Variants in SBF2 observed in about 807,000 individuals in gnomAD.
The protein encoded by SBF2 is SET binding factor 2.
A neutral mutation model predicts 225.2 loss-of-function variants in SBF2; 112 were observed. That is an observed-to-expected ratio of 0.50 (90% CI 0.43 to 0.58). The LOEUF is 0.58. Ranked by LOEUF, SBF2 falls within the 20% of genes least tolerant of loss-of-function variation. SBF2 has a pLI of 0.00. For synonymous variants in SBF2, 763 were observed against 773.3 expected, an observed-to-expected ratio of 0.99 and a Z score of 0.22; for missense variants, 1,996 against 2,206.2, an observed-to-expected ratio of 0.90 and a Z score of 1.91.
intron 17 of SBF2, among the ~76,000 whole-genome samples, chr11:9,858,723 A>G (rs1259166545): frequency 6.6e-6 from 1 of 152,226 alleles, no homozygotes. Context: ...TAGGGCATAT[A>G]ATAAAATCCA....
chr11:10,252,399 G>A (rs752113788), intron 1 of SBF2, among the ~76,000 whole-genome samples: 98 of 152,326 alleles, frequency 6.4e-4, no homozygotes, highest in Non-Finnish European at 9.6e-4. Context: ...AGACAAGACT[G>A]AAAACCTAAC....
chr11:10,288,148 A>G (rs1174272864), intron 1 of SBF2, among the ~76,000 whole-genome samples: 2 of 152,186 alleles, frequency 1.3e-5, no homozygotes, highest in Non-Finnish European at 2.9e-5. Flanking sequence ...GGCTCCCAGA[A>G]GGGCCACAGC....
chr11:9,967,826 A>C (rs766193920), intron 14 of SBF2, among the ~76,000 whole-genome samples: 31 of 151,960 alleles, frequency 2.0e-4, no homozygotes, highest in Non-Finnish European at 4.0e-4. Context: ...GAGGCAAGAG[A>C]ATTGCTTGAA....
chr11:10,086,719 G>A (rs1590926321), intron 2 of SBF2, among the ~76,000 whole-genome samples: 1 of 152,188 alleles, frequency 6.6e-6, no homozygotes, highest in South Asian at 2.1e-4. Context: ...AGATAACAGA[G>A]TGAAATTCAA....
intron 16 of SBF2, among the ~76,000 whole-genome samples, chr11:9,934,621 C>G (rs1477885572): frequency 1.3e-5 from 2 of 152,220 alleles, no homozygotes; most frequent in African/African-American, 4.8e-5. Flanking sequence ...ATCAAGTCGG[C>G]TTCATCCCTG....
chr11:10,007,291 A>G (rs1243216946), intron 6 of SBF2, among the ~76,000 whole-genome samples: 1 of 152,120 alleles, frequency 6.6e-6, no homozygotes, highest in Non-Finnish European at 1.5e-5. Flanking sequence ...TTCTCTCTTC[A>G]CAGATGGGTA....
At chr11:10,079,203 G>A (rs984752616) in intron 2 of SBF2, among the ~76,000 whole-genome samples, 17 of 152,090 alleles carry the variant, frequency 1.1e-4, no homozygotes, top group African/African-American at 3.1e-4. Context: ...ATTCTATAGC[G>A]ATGGAGCCTA....
intron 2 of SBF2, among the ~76,000 whole-genome samples, chr11:10,145,153 T>C (rs555147921): frequency 2.6e-5 from 4 of 152,178 alleles, no homozygotes; most frequent in Non-Finnish European, 5.9e-5. Context: ...CTGAAGATGA[T>C]GCAACAGTTT....
intron 2 of SBF2, among the ~76,000 whole-genome samples, chr11:10,076,075 C>T (rs1346079629): frequency 6.6e-6 from 1 of 152,182 alleles, no homozygotes; most frequent in African/African-American, 2.4e-5. Context: ...ATACAGTGGG[C>T]ATTAGGCTAC....
chr11:10,031,336 AAAAGT>A (rs1305735024), intron 3 of SBF2, among the ~76,000 whole-genome samples, 166 bp from the exon 4 acceptor site: 2 of 152,220 alleles, frequency 1.3e-5, no homozygotes, highest in East Asian at 3.8e-4. Flanking sequence ...AGAGCATTCT[AAAAGT>A]AAAGTAGACA....
intron 1 of SBF2, among the ~76,000 whole-genome samples, chr11:10,239,505 C>A (rs1299403571): frequency 6.6e-6 from 1 of 150,604 alleles, no homozygotes; most frequent in South Asian, 2.2e-4. Flanking sequence ...TAATACTCTA[C>A]TAGTAAGTGA....
intron 22 of SBF2, among the ~76,000 whole-genome samples, chr11:9,847,614 C>T (rs920199138): frequency 1.3e-5 from 2 of 151,538 alleles, no homozygotes; most frequent in African/African-American, 2.4e-5. Context: ...AAGTTTGTTT[C>T]GAAATATGTA....
At chr11:9,939,130 C>T (rs138446765) in intron 16 of SBF2, among the ~76,000 whole-genome samples, 383 of 152,210 alleles carry the variant, frequency 2.5e-3, no homozygotes, top group Admixed American at 4.3e-3. Flanking sequence ...CAGAGTCTCA[C>T]TGTCGCCTAG....
Position 10,008,541 on chromosome 11 carries a change from T to G in SBF2, c.620-5852A>C, listed in dbSNP as rs540290550. 9.2e-5 allele frequency among the ~76,000 whole-genome samples: 14 copies of G among 152,322 alleles called. No individual in the cohort carries two copies. The South Asian group carries it at 2.7e-3, about 29-fold the overall frequency. On this transcript the variant is annotated intron_variant, in intron 6 of 39. Transcript: ENST00000256190. ...TGGCAGCTCCAACTATTGGCTGTCT[T>G]ACAAGTCCACCAGCTCCCTCCAATT...
At chr11:9,863,350 C>T (rs1016663833) in intron 17 of SBF2, among the ~76,000 whole-genome samples, 6 of 152,316 alleles carry the variant, frequency 3.9e-5, no homozygotes, top group African/African-American at 1.2e-4. Flanking sequence ...TCAAGGCTCT[C>T]GTTTGGGAGC....
intron 2 of SBF2, among the ~76,000 whole-genome samples, chr11:10,080,775 T>A (rs1244765454): frequency 6.6e-6 from 1 of 151,832 alleles, no homozygotes; most frequent in Non-Finnish European, 1.5e-5. Flanking sequence ...AAAAACATAT[T>A]CCATGCAAAC....
At chr11:9,789,075 G>GGTGCCCCTA in intron 35 of SBF2, 34 bp downstream of exon 35, 1 of 1,584,974 alleles carries the variant, frequency 6.3e-7, no homozygotes, top group Non-Finnish European at 8.7e-7. Flanking sequence ...CAGGGCCCCT[G>GGTGCCCCTA]GTGCCCCTAG....
chr11:10,030,457 C>A (rs1590796185), intron 4 of SBF2, among the ~76,000 whole-genome samples: 2 of 152,130 alleles, frequency 1.3e-5, no homozygotes, highest in East Asian at 3.8e-4. Flanking sequence ...TCATTGAAAT[C>A]TTGACACTAA....
At chr11:10,071,884 T>C (rs1215927767) in intron 2 of SBF2, among the ~76,000 whole-genome samples, 2 of 152,236 alleles carry the variant, frequency 1.3e-5, no homozygotes, top group African/African-American at 4.8e-5. Flanking sequence ...GATGTGCTGC[T>C]GGATTTGGTT....
Sources: allele counts gnomAD v4.1 joint callset (sites outside exome capture counted in the v4.1 genomes callset), GRCh38; gene constraint gnomAD v4.1.1; transcripts MANE v1.5; gene names NCBI Gene and HGNC (gene_info 2026-07-23, HGNC 2026-07-21).